Variants in LDLRAP1 observed in about 807,000 individuals in gnomAD.
LDLRAP1 encodes low density lipoprotein receptor adaptor protein 1.
LDLRAP1 carries 30 observed loss-of-function variants against 37.8 expected under a neutral mutation model. That is an observed-to-expected ratio of 0.79 (90% CI 0.59 to 1.08). LDLRAP1 has a LOEUF of 1.08. Among genes scored for constraint, LDLRAP1 ranks in the 50% least tolerant of loss-of-function variants. The probability of loss-of-function intolerance (pLI) is 0.00; values close to 1 mark genes in which losing one functional copy is unlikely to be tolerated. For missense variants in LDLRAP1, 375 were observed against 401.6 expected (o/e 0.93, Z 0.57); for synonymous variants, 156 against 169.8 (o/e 0.92, Z 0.63).
Position 25,554,840 on chromosome 1 carries a change from G to A in LDLRAP1, c.232-20G>A, listed in dbSNP as rs775885599. ...TCAAGTGAGGCTGGCAGACTCCTCTGACTCCTGTCTGCTCCCAAGGCTAAG... is the reference window on the plus strand; with the variant it reads ...TCAAGTGAGGCTGGCAGACTCCTCTAACTCCTGTCTGCTCCCAAGGCTAAG... On this transcript the variant is annotated intron_variant, in intron 2 of 8. Coordinates refer to ENST00000374338, the MANE Select transcript of LDLRAP1 (RefSeq NM_015627.3). The surrounding 1 kb of genome is among the most constrained non-coding windows in gnomAD (Gnocchi z 5.4). 5 of 1,597,312 alleles carry A rather than the reference G, an allele frequency of 3.1e-6. No homozygotes were observed. In the South Asian group the frequency reaches 5.5e-5, roughly 18 times the overall value.
At chr1:25,563,514 C>A in intron 6 of LDLRAP1, 147 bp from the exon 7 acceptor site, 1 of 1,018,478 alleles carries the variant, frequency 9.8e-7, no homozygotes, top group Non-Finnish European at 1.5e-6. Context: ...TGCGCATCTG[C>A]TGTGGGGAGG....
the LDLRAP1 span, among the ~76,000 whole-genome samples, chr1:25,584,656 T>C: frequency 6.6e-6 from 1 of 152,094 alleles, no homozygotes; most frequent in Non-Finnish European, 1.5e-5. Context: ...ACAGCTTCCA[T>C]ATGAAGCTGA....
intron 1 of LDLRAP1, among the ~76,000 whole-genome samples, chr1:25,548,335 CTTTTTTTTTTTTTTTT>C (rs144789866): frequency 2.4e-5 from 2 of 82,316 alleles, no homozygotes; most frequent in Non-Finnish European, 4.2e-5. Context: ...GATGGATACT[CTTTTTTTTTTTTTTTT>C]TTTTTTTTTT....
At chr1:25,557,937 A>G (rs570713284) in intron 4 of LDLRAP1, among the ~76,000 whole-genome samples, 6 of 151,826 alleles carry the variant, frequency 4.0e-5, no homozygotes, top group Admixed American at 2.0e-4. Flanking sequence ...GAGGCCAGCT[A>G]TCTTGCTGTC....
At chr1:25,565,022 G>A in intron 7 of LDLRAP1, 151 bp from the exon 8 acceptor site, 1 of 786,508 alleles carries the variant, frequency 1.3e-6, no homozygotes, top group Non-Finnish European at 2.2e-6. Flanking sequence ...ATGCACCCAG[G>A]CAGGAGGCCT....
the LDLRAP1 span, among the ~76,000 whole-genome samples, chr1:25,582,231 G>A: frequency 6.6e-6 from 1 of 152,116 alleles, no homozygotes. Flanking sequence ...CAATATTTGG[G>A]GATGCATTAT....
At chr1:25,560,836 C>T (rs536288507) in intron 4 of LDLRAP1, among the ~76,000 whole-genome samples, 2 of 152,348 alleles carry the variant, frequency 1.3e-5, no homozygotes, top group East Asian at 1.9e-4. Flanking sequence ...GGCATCCCGC[C>T]TGGGCAGGCC....
chr1:25,579,415 A>C, the LDLRAP1 span, among the ~76,000 whole-genome samples: 2 of 152,234 alleles, frequency 1.3e-5, no homozygotes, highest in Non-Finnish European at 2.9e-5. Context: ...GATAGGATTT[A>C]GGCAGCAGGC....
chr1:25,571,641 G>A (rs1242174593), downstream of LDLRAP1, among the ~76,000 whole-genome samples: 1 of 152,242 alleles, frequency 6.6e-6, no homozygotes, highest in Non-Finnish European at 1.5e-5. Flanking sequence ...AGGCAGGCCT[G>A]GGACTCAGAG....
chr1:25,545,068 A>G (rs556746073), intron 1 of LDLRAP1, among the ~76,000 whole-genome samples: 82 of 152,354 alleles, frequency 5.4e-4, no homozygotes, highest in African/African-American at 1.9e-3. Context: ...TCAGAGACCC[A>G]TTAGGGCTGG....
intron 1 of LDLRAP1, among the ~76,000 whole-genome samples, chr1:25,549,806 G>C (rs1252098871): frequency 6.6e-6 from 1 of 152,218 alleles, no homozygotes; most frequent in Non-Finnish European, 1.5e-5. Context: ...GAGCTCCCAG[G>C]TGCTGGTTTC....
chr1:25,566,701 A>C (rs2044490219), intron 8 of LDLRAP1, 147 bp from the exon 9 acceptor site: 2 of 947,046 alleles, frequency 2.1e-6, no homozygotes, highest in South Asian at 1.5e-5. Context: ...AGGTGCTTTG[A>C]TCTGAGGTTA....
chr1:25,586,254 A>G, the LDLRAP1 span, among the ~76,000 whole-genome samples: 5 of 152,026 alleles, frequency 3.3e-5, no homozygotes, highest in Non-Finnish European at 7.4e-5. The surrounding 1 kb of genome is among the most constrained non-coding windows in gnomAD (Gnocchi z 4.3). Flanking sequence ...AAGCGCGACC[A>G]AGAACTGGTA....
At chr1:25,558,165 G>C (rs1463533582) in intron 4 of LDLRAP1, among the ~76,000 whole-genome samples, 1 of 152,090 alleles carries the variant, frequency 6.6e-6, no homozygotes, top group Non-Finnish European at 1.5e-5. Context: ...AGACCCCCAG[G>C]ATCTGAGCAT....
chr1:25,563,208 C>G (rs902561250), intron 6 of LDLRAP1, 55 bp downstream of exon 6: 7 of 1,502,988 alleles, frequency 4.7e-6, no homozygotes, highest in Non-Finnish European at 5.5e-6. Context: ...TTGCGCTTCA[C>G]CCAGGGGGGT....
At chr1:25,589,624 CCT>C in the LDLRAP1 span, among the ~76,000 whole-genome samples, 4 of 152,088 alleles carry the variant, frequency 2.6e-5, no homozygotes, top group East Asian at 1.9e-4. Context: ...GTAAATTCTC[CCT>C]CTCTCTCTTC....
At chr1:25,557,301 C>T in intron 4 of LDLRAP1, 34 bp downstream of exon 4, 2 of 1,555,828 alleles carry the variant, frequency 1.3e-6, no homozygotes, top group Non-Finnish European at 1.8e-6. Flanking sequence ...GGACAGGGTC[C>T]AGTGGCCTTG....
chr1:25,589,439 A>C, the LDLRAP1 span, among the ~76,000 whole-genome samples: 1 of 152,230 alleles, frequency 6.6e-6, no homozygotes, highest in Admixed American at 6.5e-5. Flanking sequence ...GATAGCTGGT[A>C]AACCCATTAT....
chr1:25,556,520 T>G (rs1290744826), intron 3 of LDLRAP1, among the ~76,000 whole-genome samples: 1 of 152,148 alleles, frequency 6.6e-6, no homozygotes, highest in African/African-American at 2.4e-5. Context: ...CCAGTCACCC[T>G]GAGAGAGATG....
Sources: gnomAD v4.1 joint callset for allele counts (sites outside exome capture counted in the v4.1 genomes callset) on GRCh38, gnomAD v4.1.1 for gene constraint, Gnocchi (gnomAD v3.1) non-coding constraint, MANE v1.5 for transcripts, NCBI Gene and HGNC (gene_info 2026-07-23, HGNC 2026-07-21) for gene names.